The following CDH22 variants were observed in gnomAD, a reference collection of about 807,000 sequenced individuals.
CDH22 encodes the protein cadherin 22.
In CDH22, 30 loss-of-function variants were observed where a neutral mutation model predicts 58.4. The observed-to-expected ratio is 0.51, with a 90% CI of 0.38 to 0.70. The LOEUF is 0.70. CDH22 is among the 30% of genes least tolerant of loss of function. The probability of loss-of-function intolerance (pLI) is 0.00; values close to 1 mark genes in which losing one functional copy is unlikely to be tolerated. For missense variants in CDH22, 1,014 were observed against 1,233.9 expected (o/e 0.82, Z 2.67); for synonymous variants, 513 against 558.2 (o/e 0.92, Z 1.14).
chr20:46,303,679 G>T (rs191267892), intron 1 of CDH22, among the ~76,000 whole-genome samples: 1 of 152,180 alleles, frequency 6.6e-6, no homozygotes, highest in African/African-American at 2.4e-5. Flanking sequence ...CTTCGGGGAA[G>T]GTTGTTCAGG....
intron 10 of CDH22, among the ~76,000 whole-genome samples, chr20:46,181,748 C>CTTTCTTTCTTTCTTTCT (rs1555800212): frequency 5.3e-4 from 14 of 26,300 alleles, no homozygotes; most frequent in East Asian, 3.6e-3. Context: ...TCCTTCCTTC[C>CTTTCTTTCTTTCTTTCT]TTCCTTCTTT....
At chr20:46,243,990 G>A (rs2086310875) in intron 2 of CDH22, among the ~76,000 whole-genome samples, 1 of 152,184 alleles carries the variant, frequency 6.6e-6, no homozygotes. Flanking sequence ...ATGGATTTGT[G>A]AATTTTACCT....
At chr20:46,260,972 G>A (rs2086430492) in intron 1 of CDH22, among the ~76,000 whole-genome samples, 1 of 152,144 alleles carries the variant, frequency 6.6e-6, no homozygotes, top group Non-Finnish European at 1.5e-5. Flanking sequence ...TGGGGCTTCT[G>A]CACCCCTGCC....
At chr20:46,229,105 G>A (rs557342829) in intron 3 of CDH22, among the ~76,000 whole-genome samples, 1 of 152,284 alleles carries the variant, frequency 6.6e-6, no homozygotes, top group African/African-American at 2.4e-5. Context: ...GAGGAAGAGG[G>A]ATGGGCAAGC....
chr20:46,243,407 CT>C (rs1472342308), intron 2 of CDH22, among the ~76,000 whole-genome samples: 4 of 152,228 alleles, frequency 2.6e-5, no homozygotes, highest in Non-Finnish European at 5.9e-5. Context: ...ATGGAGGCGT[CT>C]GGTGGAAACT....
In CDH22 at chr20:46,225,762, T is replaced by C. The variant is rs1210206584; in HGVS notation, c.670+1746A>G. Among the ~76,000 whole-genome samples, 5 of 152,332 alleles carry C rather than the reference T, an allele frequency of 3.3e-5. No homozygotes were observed. The East Asian group carries it at 7.7e-4, about 23-fold the overall frequency. Reference sequence around the variant, plus strand: ...AAGTGGCTACCTTTGGGGCTGCAATTACTGGTGATAGGGAGTGGGAAGCGT... The same window carrying C: ...AAGTGGCTACCTTTGGGGCTGCAATCACTGGTGATAGGGAGTGGGAAGCGT... On this transcript the variant is annotated intron_variant, in intron 4 of 11. Coordinates refer to ENST00000537909, the MANE Select transcript of CDH22 (RefSeq NM_021248.3).
intron 1 of CDH22, among the ~76,000 whole-genome samples, chr20:46,266,242 T>C (rs2086459045): frequency 6.6e-6 from 1 of 152,214 alleles, no homozygotes; most frequent in African/African-American, 2.4e-5. Context: ...CACTCTCACC[T>C]ACTCTGGGCT....
intron 4 of CDH22, among the ~76,000 whole-genome samples, chr20:46,223,727 C>CTCTTTCTTTCTCTT (rs2086148939): frequency 8.9e-6 from 1 of 111,856 alleles, no homozygotes; most frequent in East Asian, 2.5e-4. Context: ...TTCTTTCTTT[C>CTCTTTCTTTCTCTT]TCTTTCTTTC....
chr20:46,194,071 G>A (rs1287177909), intron 8 of CDH22, among the ~76,000 whole-genome samples: 1 of 152,162 alleles, frequency 6.6e-6, no homozygotes, highest in African/African-American at 2.4e-5. Flanking sequence ...GGGTTTTCTG[G>A]CCCTCGCTGG....
intron 1 of CDH22, among the ~76,000 whole-genome samples, chr20:46,298,288 T>C (rs1205121066): frequency 6.6e-6 from 1 of 152,258 alleles, no homozygotes. Flanking sequence ...TTCTCTCTTC[T>C]AGGTAAAATC....
chr20:46,233,924 G>A (rs1017234625), intron 3 of CDH22, among the ~76,000 whole-genome samples: 2 of 152,220 alleles, frequency 1.3e-5, no homozygotes, highest in Admixed American at 6.5e-5. Context: ...AGAGACCAGC[G>A]ATTGATTCCT....
rs1037796505 is a variant in CDH22 at position 46,216,604 on chromosome 20, T to TG, written c.838+221dup. Among the ~76,000 whole-genome samples, 344 of 152,130 alleles carry TG rather than the reference T, an allele frequency of 2.3e-3. 5 individuals are homozygous for TG. Among genetic ancestry groups the TG allele is most frequent in the Non-Finnish European group, 2.9e-4 (20 of 67,988 alleles). ...GGTGATGGTGTGTTACTTGGCTCTG[T>TG]GGAGCATCGGACAGCCCTGGGGTCT... On this transcript the variant is annotated intron_variant, in intron 5 of 11. Transcript: ENST00000537909. This position sits in a 1 kb window ranked among gnomAD's most constrained non-coding sequence, Gnocchi z 5.3.
chr20:46,176,338 C>T (rs1418663392), intron 11 of CDH22, among the ~76,000 whole-genome samples: 4 of 152,196 alleles, frequency 2.6e-5, no homozygotes, highest in African/African-American at 7.2e-5. Flanking sequence ...GTTGACCAAG[C>T]GAATCTCAAA....
chr20:46,248,639 A>G (rs958877744), intron 2 of CDH22, among the ~76,000 whole-genome samples: 2 of 152,158 alleles, frequency 1.3e-5, no homozygotes, highest in Non-Finnish European at 2.9e-5. Context: ...ACTGGCCAAC[A>G]TGGTGAAACC....
intron 8 of CDH22, among the ~76,000 whole-genome samples, chr20:46,187,654 AC>A (rs112835074): frequency 2.8e-4 from 42 of 152,070 alleles, no homozygotes; most frequent in African/African-American, 9.4e-4. Context: ...CACCACAACC[AC>A]AATCACCAGC....
rs187668136 is a variant in CDH22 at position 46,267,928 on chromosome 20, G to A, written c.-399-16235C>T. Reference sequence around the variant, plus strand: ...GCAGGGGTGAGGGAAGCAGGACCACGTGGAGGGAGAAGTTGAACTGTGAAG... The same window carrying A: ...GCAGGGGTGAGGGAAGCAGGACCACATGGAGGGAGAAGTTGAACTGTGAAG... On this transcript the variant is annotated intron_variant, in intron 1 of 11. Coordinates refer to ENST00000537909, the MANE Select transcript of CDH22 (RefSeq NM_021248.3). Among the ~76,000 whole-genome samples, 8 of 152,370 alleles carry A rather than the reference G, an allele frequency of 5.3e-5. No homozygotes were observed. The East Asian group carries it at 1.4e-3, about 26-fold the overall frequency.
At chr20:46,286,056 C>T (rs1244194536) in intron 1 of CDH22, among the ~76,000 whole-genome samples, 1 of 152,222 alleles carries the variant, frequency 6.6e-6, no homozygotes, top group African/African-American at 2.4e-5. Context: ...AATGCTTCTC[C>T]TTCCTGGAGA....
chr20:46,197,368 G>A (rs989185193), intron 8 of CDH22, among the ~76,000 whole-genome samples: 4 of 151,512 alleles, frequency 2.6e-5, no homozygotes, highest in East Asian at 1.9e-4. Flanking sequence ...CCCCTCCCCC[G>A]ATTCTGTCTC....
intron 3 of CDH22, among the ~76,000 whole-genome samples, chr20:46,229,335 A>G (rs1388441097): frequency 7.2e-6 from 1 of 139,852 alleles, no homozygotes; most frequent in Non-Finnish European, 1.6e-5. Context: ...CAGACAGGGG[A>G]AAAGATTTCA....
Sources: allele counts gnomAD v4.1 joint callset (sites outside exome capture counted in the v4.1 genomes callset), GRCh38; gene constraint gnomAD v4.1.1; non-coding constraint Gnocchi (gnomAD v3.1); transcripts MANE v1.5; gene names NCBI Gene and HGNC (gene_info 2026-07-23, HGNC 2026-07-21).